The following RBFOX1 variants were observed in gnomAD, a reference collection of about 807,000 sequenced individuals.
The protein encoded by RBFOX1 is RNA binding fox-1 homolog 1.
In RBFOX1, 8 loss-of-function variants were observed where a neutral mutation model predicts 57.7. The ratio of observed to expected loss-of-function variants is 0.14; its 90% CI spans 0.08 to 0.25. RBFOX1 has a LOEUF of 0.25. Among genes scored for constraint, RBFOX1 ranks in the 10% least tolerant of loss-of-function variants. RBFOX1 has a pLI of 1.00. For synonymous variants in RBFOX1, 326 were observed against 222.4 expected, an observed-to-expected ratio of 1.47 and a Z score of -4.15; for missense variants, 611 against 548.5, an observed-to-expected ratio of 1.11 and a Z score of -1.14.
At chr16:6,656,801 A>T (rs1449404778) in intron 3 of RBFOX1, among the ~76,000 whole-genome samples, 1 of 152,154 alleles carries the variant, frequency 6.6e-6, no homozygotes, top group African/African-American at 2.4e-5. Flanking sequence ...AAGAAAAAAT[A>T]ATGCCCAGTT....
At chr16:6,554,737 CACACACACACACACACACACAG>C (rs1212723294) in intron 2 of RBFOX1, among the ~76,000 whole-genome samples, 1 of 150,448 alleles carries the variant, frequency 6.6e-6, no homozygotes, top group African/African-American at 2.5e-5. Context: ...CACACACACA[CACACACACACACACACACACAG>C]ACACACACAC....
At chr16:7,374,108 G>A (rs1202093117) in intron 4 of RBFOX1, among the ~76,000 whole-genome samples, 2 of 152,202 alleles carry the variant, frequency 1.3e-5, no homozygotes, top group African/African-American at 4.8e-5. Flanking sequence ...CTCTGATGGT[G>A]TGGAACGAAG....
intron 2 of RBFOX1, among the ~76,000 whole-genome samples, chr16:6,439,957 G>T (rs970584759): frequency 6.8e-5 from 6 of 88,550 alleles, no homozygotes; most frequent in Non-Finnish European, 1.4e-4. Context: ...GTAGACTTGG[G>T]ACTTAGGTGG....
intron 1 of RBFOX1, among the ~76,000 whole-genome samples, chr16:6,149,996 C>T (rs955624342): frequency 3.3e-5 from 5 of 152,192 alleles, no homozygotes; most frequent in Non-Finnish European, 5.9e-5. Flanking sequence ...CATTCAAAAT[C>T]ATAGCTCCTG....
chr16:7,484,900 T>C (rs1486316424), intron 4 of RBFOX1, among the ~76,000 whole-genome samples: 17 of 152,160 alleles, frequency 1.1e-4, no homozygotes, highest in Admixed American at 1.0e-3. Context: ...ATATTGTCAG[T>C]ATCAGGAAAG....
chr16:5,882,313 T>A (rs1285703419), intron 4 of RBFOX1, among the ~76,000 whole-genome samples: 1 of 152,168 alleles, frequency 6.6e-6, no homozygotes, highest in East Asian at 1.9e-4. Context: ...TGTCTTAGAG[T>A]TGGCTTCATT....
At chr16:7,568,545 T>C (rs976797709) in intron 5 of RBFOX1, among the ~76,000 whole-genome samples, 1 of 152,110 alleles carries the variant, frequency 6.6e-6, no homozygotes, top group Non-Finnish European at 1.5e-5. Context: ...GCAATGTGTT[T>C]ATTACCTGTA....
At chr16:6,368,151 C>G (rs1401643989) in intron 2 of RBFOX1, among the ~76,000 whole-genome samples, 1 of 152,166 alleles carries the variant, frequency 6.6e-6, no homozygotes, top group Non-Finnish European at 1.5e-5. Flanking sequence ...CTGTTTTTCT[C>G]TCTGAGGTTT....
chr16:7,146,673 G>A (rs1952228609), intron 4 of RBFOX1, among the ~76,000 whole-genome samples: 1 of 152,082 alleles, frequency 6.6e-6, no homozygotes, highest in Admixed American at 6.5e-5. Flanking sequence ...ATGCGGCTGG[G>A]TGCAGTGGCT....
chr16:7,088,323 G>C (rs1400474475), intron 4 of RBFOX1, among the ~76,000 whole-genome samples: 1 of 152,068 alleles, frequency 6.6e-6, no homozygotes, highest in Non-Finnish European at 1.5e-5. Flanking sequence ...TTGTTTATTT[G>C]TTTTGTTTTT....
chr16:7,303,754 C>CCTCTCGCT (rs1186822350), intron 4 of RBFOX1, among the ~76,000 whole-genome samples: 1 of 148,094 alleles, frequency 6.8e-6, no homozygotes, highest in African/African-American at 2.5e-5. Context: ...CTTTACCCTC[C>CCTCTCGCT]CTCTCGCTCT....
intron 1 of RBFOX1, among the ~76,000 whole-genome samples, chr16:6,147,693 T>G (rs1490122836): frequency 4.6e-5 from 7 of 152,216 alleles, no homozygotes; most frequent in Admixed American, 3.9e-4. Flanking sequence ...TAATGCCTCC[T>G]TGAACATGTT....
At chr16:6,993,152 T>G (rs2091771407) in intron 3 of RBFOX1, among the ~76,000 whole-genome samples, 1 of 152,194 alleles carries the variant, frequency 6.6e-6, no homozygotes, top group South Asian at 2.1e-4. Flanking sequence ...TAACACTGAC[T>G]TTCTTTTCTT....
intron 4 of RBFOX1, among the ~76,000 whole-genome samples, chr16:7,427,198 G>A (rs75286231): frequency 6.6e-6 from 1 of 152,042 alleles, no homozygotes; most frequent in African/African-American, 2.4e-5. Context: ...ACACCAACAT[G>A]GCACATGTAT....
chr16:5,840,723 C>G (rs569281352), intron 3 of RBFOX1, among the ~76,000 whole-genome samples: 3 of 152,144 alleles, frequency 2.0e-5, no homozygotes, highest in Admixed American at 6.5e-5. Context: ...GCAGAAGGAG[C>G]CTTCTCACAG....
At chr16:5,530,192 T>C (rs921076305) in intron 2 of RBFOX1, among the ~76,000 whole-genome samples, 1 of 152,184 alleles carries the variant, frequency 6.6e-6, no homozygotes. Flanking sequence ...GAAAGAACCT[T>C]ATTCCCAGCA....
rs2088649691 is a variant in RBFOX1, at chr16:7,556,806, C to A, written c.271-22971C>A. ...GGTATAACCCATGTGCAATGGTATG[C>A]ACTGCTGTTATTGTTTGAAAATAAT... On this transcript the variant is annotated intron_variant, in intron 5 of 15. Transcript: ENST00000550418. Among the ~76,000 whole-genome samples the A allele has an allele frequency of 2.0e-5, 3 of 152,192 alleles. No homozygotes were observed. In the South Asian group the frequency reaches 6.2e-4, roughly 32 times the overall value.
chr16:5,925,304 A>T (rs1473121116), intron 4 of RBFOX1, among the ~76,000 whole-genome samples: 3 of 152,348 alleles, frequency 2.0e-5, no homozygotes, highest in African/African-American at 7.2e-5. Flanking sequence ...CTACCCATAC[A>T]GTGGGATATT....
intron 4 of RBFOX1, among the ~76,000 whole-genome samples, chr16:7,055,198 C>T (rs899656969): frequency 1.3e-5 from 2 of 152,054 alleles, no homozygotes; most frequent in African/African-American, 4.8e-5. Flanking sequence ...AAATGAAATA[C>T]AAAGAGTTGG....
Sources: allele counts gnomAD v4.1 joint callset (sites outside exome capture counted in the v4.1 genomes callset), GRCh38; gene constraint gnomAD v4.1.1; transcripts MANE v1.5; gene names NCBI Gene and HGNC (gene_info 2026-07-23, HGNC 2026-07-21).